PLEKHG1: variants seen among roughly 807,000 people sequenced by gnomAD.
PLEKHG1 encodes the protein pleckstrin homology and RhoGEF domain containing G1.
Under a neutral mutation model 100.8 loss-of-function variants are expected in PLEKHG1, and 44 were observed. The observed-to-expected ratio is 0.44, with a 90% confidence interval of 0.34 to 0.56. PLEKHG1 has a LOEUF of 0.56. PLEKHG1 is among the 20% of genes least tolerant of loss of function. The probability of loss-of-function intolerance (pLI) is 0.01; values close to 1 mark genes in which losing one functional copy is unlikely to be tolerated. For missense variants in PLEKHG1, 1,545 were observed against 1,720.9 expected, an observed-to-expected ratio of 0.90 and a Z score of 1.81; for synonymous variants, 640 against 662.5, an observed-to-expected ratio of 0.97 and a Z score of 0.52.
chr6:150,671,819 G>T (rs1779595831), intron 3 of PLEKHG1, among the ~76,000 whole-genome samples: 1 of 152,196 alleles, frequency 6.6e-6, no homozygotes, highest in Non-Finnish European at 1.5e-5. Context: ...GAGGCTGGAG[G>T]CAGTGAGCAG....
intron 3 of PLEKHG1, among the ~76,000 whole-genome samples, chr6:150,779,344 G>GTTTGTTTTTTTGT (rs1257363893): frequency 5.7e-5 from 6 of 104,536 alleles, no homozygotes; most frequent in East Asian, 7.0e-4. Context: ...TTGTCAAGAA[G>GTTTGTTTTTTTGT]TTTTTTTTTT....
intron 2 of PLEKHG1, among the ~76,000 whole-genome samples, chr6:150,756,291 G>A (rs9478133): frequency 1.0e-3 from 152 of 152,282 alleles, no homozygotes; most frequent in Non-Finnish European, 1.8e-3. Context: ...CTGCTCCCCT[G>A]CAGATCCTCA....
intron 1 of PLEKHG1, among the ~76,000 whole-genome samples, chr6:150,602,441 C>A (rs377145335): frequency 6.6e-6 from 1 of 152,218 alleles, no homozygotes; most frequent in South Asian, 2.1e-4. Flanking sequence ...ATGCTCACAT[C>A]TACGTCTCTG....
intron 14 of PLEKHG1, among the ~76,000 whole-genome samples, chr6:150,825,687 C>T (rs772801567): frequency 3.1e-4 from 47 of 152,286 alleles, no homozygotes; most frequent in Admixed American, 6.5e-4. Flanking sequence ...TGGTTAAGCT[C>T]ATGTATAAGC....
intron 3 of PLEKHG1, among the ~76,000 whole-genome samples, chr6:150,662,263 T>C (rs549921034): frequency 6.6e-6 from 1 of 152,308 alleles, no homozygotes; most frequent in South Asian, 2.1e-4. Context: ...TTTGGTCAGC[T>C]CCTGCATTTG....
At chr6:150,655,707 CAAAAAAAAA>C (rs775753925) in intron 3 of PLEKHG1, among the ~76,000 whole-genome samples, 6 of 38,358 alleles carry the variant, frequency 1.6e-4, no homozygotes, top group Admixed American at 1.4e-3. Context: ...GACTCCATCT[CAAAAAAAAA>C]AAAAAAAAAA....
exon 15 of PLEKHG1, chr6:150,830,979 G>A (rs1776890596): frequency 1.9e-6 from 3 of 1,613,852 alleles, no homozygotes; most frequent in South Asian, 1.1e-5. Context: ...CCTGAAATAG[G>A]AACTAGTGAC....
At chr6:150,809,004 G>A in intron 7 of PLEKHG1, 101 bp from the exon 9 acceptor site, 1 of 928,714 alleles carries the variant, frequency 1.1e-6, no homozygotes, top group Non-Finnish European at 1.7e-6. Context: ...CCCCCTCAGG[G>A]ACGATTTGGC....
Position 150,776,839 on chromosome 6 carries a change from T to C in PLEKHG1, c.512+8101T>C, listed in dbSNP as rs547582322. 1.0e-2 allele frequency among the ~76,000 whole-genome samples: 1,500 copies of C among 150,488 alleles called. 12 individuals carry two copies. Among genetic ancestry groups the C allele is most frequent in the Non-Finnish European group, 0.016 (1,066 of 67,726 alleles). On this transcript the variant is annotated intron_variant, in intron 3 of 15. Coordinates refer to ENST00000358517, the Ensembl canonical transcript of PLEKHG1. ...TTGCAATCCTGGCGTACATGTGCGG[T>C]TGCACATCAGCCACACTGATGCAAT... is the stretch of plus-strand genomic sequence containing the variant.
intron 2 of PLEKHG1, among the ~76,000 whole-genome samples, chr6:150,764,754 A>G (rs964457947): frequency 2.0e-5 from 3 of 151,844 alleles, no homozygotes; most frequent in African/African-American, 4.8e-5. Context: ...TCCATCCTTC[A>G]AGATTCAGCT....
chr6:150,810,523 A>AAAGAAAGAAAGAAAGG (rs1263870869), intron 10 of PLEKHG1, among the ~76,000 whole-genome samples: 1 of 83,374 alleles, frequency 1.2e-5, no homozygotes, highest in African/African-American at 4.0e-5. Flanking sequence ...AAAAAGAAAG[A>AAAGAAAGAAAGAAAGG]AAGAAAGAAA....
chr6:150,724,559 T>C (rs1428242679), intron 1 of PLEKHG1, among the ~76,000 whole-genome samples: 1 of 7,844 alleles, frequency 1.3e-4, no homozygotes, highest in African/African-American at 2.0e-4. Context: ...TTTCTTTTTC[T>C]TTTTTTTTTT....
At chr6:150,727,356 C>T (rs1398410772) in intron 1 of PLEKHG1, among the ~76,000 whole-genome samples, 1 of 152,124 alleles carries the variant, frequency 6.6e-6, no homozygotes, top group Non-Finnish European at 1.5e-5. Context: ...AGCCATGGAA[C>T]GTTCTGCATG....
chr6:150,745,212 C>T (rs909453472), intron 2 of PLEKHG1, among the ~76,000 whole-genome samples: 9 of 152,184 alleles, frequency 5.9e-5, no homozygotes, highest in African/African-American at 1.7e-4. Context: ...TCTTACTATA[C>T]TGAATAATGT....
chr6:150,620,513 CTA>C (rs1411202543), intron 1 of PLEKHG1, among the ~76,000 whole-genome samples: 1 of 152,258 alleles, frequency 6.6e-6, no homozygotes, highest in African/African-American at 2.4e-5. Context: ...GTCACTCCCT[CTA>C]TGGCCATCGG....
chr6:150,806,090 G>GA lies in PLEKHG1; in HGVS notation c.912+1355dup, dbSNP rs1358671614. ...TACAGAGTGGCCTTGCCTAACTCGG[G>GA]AAAAAAGATACCTTATTTGGCTCAT... On this transcript the variant is annotated intron_variant, in intron 7 of 15. Transcript: ENST00000358517. Among the ~76,000 whole-genome samples the GA allele has an allele frequency of 5.3e-5, 8 of 152,024 alleles. No homozygotes were observed. The South Asian group carries it at 1.5e-3, about 28-fold the overall frequency.
chr6:150,715,054 C>T (rs1414972828), intron 3 of PLEKHG1, among the ~76,000 whole-genome samples: 1 of 152,110 alleles, frequency 6.6e-6, no homozygotes, highest in Non-Finnish European at 1.5e-5. Context: ...CCACCTCAGC[C>T]TCCCAAAGTG....
intron 11 of PLEKHG1, among the ~76,000 whole-genome samples, chr6:150,819,182 A>G (rs1377746021): frequency 3.4e-5 from 5 of 148,022 alleles, no homozygotes. Flanking sequence ...ATAGACTCCT[A>G]GAAGTCCCAA....
rs145140134 is a variant in PLEKHG1 at position 150,793,518 on chromosome 6, A to G, written c.583-2338A>G. 4.6e-5 allele frequency among the ~76,000 whole-genome samples: 7 copies of G among 152,370 alleles called. No individual in the cohort carries two copies. The East Asian group carries it at 1.3e-3, about 29-fold the overall frequency. On this transcript the variant is annotated intron_variant, in intron 4 of 15. Transcript: ENST00000358517. The stretch of plus-strand genomic sequence containing the variant: ...TTTTTGGAAAGATTCTAGCTAATAA[A>G]TAAAGAAGGAATAAAGTATTAGAAA...
Sources: gnomAD v4.1 joint callset for allele counts (sites outside exome capture counted in the v4.1 genomes callset) on GRCh38, gnomAD v4.1.1 for gene constraint, MANE v1.5 for transcripts, NCBI Gene and HGNC (gene_info 2026-07-23, HGNC 2026-07-21) for gene names.